The following DESI1 variants were observed in gnomAD, a reference collection of about 807,000 sequenced individuals.
DESI1 encodes the protein desumoylating isopeptidase 1.
In DESI1, 17 loss-of-function variants were observed where a neutral mutation model predicts 22.4. The ratio of observed to expected loss-of-function variants is 0.76; its 90% CI spans 0.52 to 1.14. The LOEUF (loss-of-function observed/expected upper bound fraction) is 1.14, where lower values mean the gene tolerates loss of function less well. Ranked by LOEUF, DESI1 falls within the 50% of genes most tolerant of loss-of-function variation. The pLI, the probability that DESI1 is intolerant of heterozygous loss-of-function variation, is 0.00. For synonymous variants in DESI1, 92 were observed against 84.2 expected (o/e 1.09, Z -0.51); for missense variants, 177 against 208.9 (o/e 0.85, Z 0.94).
In DESI1 at chr22:41,610,813, C is replaced by T. The variant is rs551054199; in HGVS notation, c.89-2952G>A. Among the ~76,000 whole-genome samples the T allele has an allele frequency of 4.0e-5, 6 of 150,456 alleles. No individual in the cohort carries two copies. In the South Asian group the frequency reaches 1.0e-3, roughly 26 times the overall value. On this transcript the variant is annotated intron_variant, in intron 1 of 5. Transcript: ENST00000263256. ...ACTTGAACCCAGGAGGCGGAGGTTG[C>T]GACGAGCTGAGATGGCGCCATTGTA...
chr22:41,614,941 C>T (rs1305451585), intron 1 of DESI1, among the ~76,000 whole-genome samples: 1 of 150,076 alleles, frequency 6.7e-6, no homozygotes, highest in Non-Finnish European at 1.5e-5. Context: ...CACCTGTTTT[C>T]CACATGCATA....
chr22:41,601,271 G>A (rs2067448596), intron 5 of DESI1, 81 bp from the exon 6 acceptor site: 1 of 1,361,726 alleles, frequency 7.3e-7, no homozygotes, highest in Non-Finnish European at 9.9e-7. Flanking sequence ...CCACGGGTAG[G>A]GAGGAGGAGT....
At chr22:41,620,254 G>C (rs549822340) in intron 1 of DESI1, among the ~76,000 whole-genome samples, 4 of 152,080 alleles carry the variant, frequency 2.6e-5, no homozygotes, top group South Asian at 2.1e-4. Context: ...CCTATCCCTG[G>C]GACTGCAAAG....
At position 41,607,869 on chromosome 22, in the gene DESI1, G is replaced by C; in HGVS notation, c.89-8C>G. The C allele has an allele frequency of 1.9e-6, 3 of 1,614,220 alleles. No homozygotes were observed. The highest frequency in any genetic ancestry group is 2.5e-6 in the Non-Finnish European group (3 of 1,180,042). The stretch of plus-strand genomic sequence containing the variant: ...TGCCTTCCAGTTGTTTCCCTGTGGA[G>C]AGAAGAAGAGATTTAGCCACTTGGG... On this transcript the variant is annotated splice_polypyrimidine_tract_variant and splice_region_variant and intron_variant, in intron 1 of 5. Coordinates refer to ENST00000263256, the MANE Select transcript of DESI1 (RefSeq NM_015704.3).
intron 1 of DESI1, among the ~76,000 whole-genome samples, chr22:41,618,857 G>A (rs2067565209): frequency 6.6e-6 from 1 of 152,204 alleles, no homozygotes. Context: ...AAGGTGAGGA[G>A]ATCGAGACCA....
rs1346187870 is a variant in DESI1, at chr22:41,620,816, C to T, written c.24G>A (p.Pro8=). The T allele has an allele frequency of 3.1e-6, 5 of 1,612,040 alleles. No individual in the cohort carries two copies. Among genetic ancestry groups the T allele is most frequent in the Middle Eastern group, 1.6e-4 (1 of 6,078 alleles). MEPPNLY[P]VKLYVYDLSK... ...ACAGGTCGTACACGTAGAGCTTCACCGGATAGAGATTCGGCGGCTCCATTG... is the reference window on the plus strand; with the variant it reads ...ACAGGTCGTACACGTAGAGCTTCACTGGATAGAGATTCGGCGGCTCCATTG... Residue 8 remains proline (P), a synonymous_variant, in exon 1 of 6, where the codon CCG becomes CCA. Coordinates refer to ENST00000263256, the MANE Select transcript of DESI1 (RefSeq NM_015704.3).
In DESI1 at chr22:41,600,783, C is replaced by G. The variant is rs2067445316; in HGVS notation, c.*314G>C. ...AGGTTGGGGCTCCCGCAAACTGTGA[C>G]TCGCTTTCTGTTTAAACAAAGCCCC... On this transcript the variant is annotated 3_prime_UTR_variant, in exon 6 of 6. Transcript: ENST00000263256. 3.6e-6 allele frequency: 1 copy of G among 277,884 alleles called. No individual in the cohort carries two copies. Among genetic ancestry groups the G allele is most frequent in the Non-Finnish European group, 7.0e-6 (1 of 142,848 alleles). The allele number at this position is 277,884 out of a possible 1,614,324, so 17.2% of individuals were successfully genotyped here. A position where few individuals can be genotyped will look rare whatever the true frequency, so the allele number is the denominator to read the frequency against.
intron 1 of DESI1, 147 bp from the exon 2 acceptor site, chr22:41,608,008 G>T: frequency 1.3e-6 from 1 of 765,292 alleles, no homozygotes; most frequent in Non-Finnish European, 2.2e-6. Flanking sequence ...CCTCCAGTAA[G>T]GTCTTTAGGT....
At chr22:41,617,732 G>C (rs1293961100) in intron 1 of DESI1, among the ~76,000 whole-genome samples, 2 of 152,256 alleles carry the variant, frequency 1.3e-5, no homozygotes, top group Non-Finnish European at 2.9e-5. Context: ...GATTTCCTCA[G>C]ATCAGAATCT....
Position 41,601,175 on chromosome 22 carries a change from T to C in DESI1, c.429A>G (p.Ala143=), listed in dbSNP as rs555888417. The part of the protein sequence containing the change: ...SEVLSTPFGQ[A]LRPLLDSIQI... ...GAATGGAGTCCAGGAGGGGCCGAAG[T>C]GCCTGTCCAAAGGGCCTGCAAGGAA... The change falls in exon 6 of 6, where the codon GCA becomes GCG. Residue 143 remains alanine (A), a synonymous_variant. Coordinates refer to ENST00000263256, the MANE Select transcript of DESI1 (RefSeq NM_015704.3). The C allele has an allele frequency of 7.4e-6, 12 of 1,610,932 alleles. No homozygotes were observed. Among genetic ancestry groups the C allele is most frequent in the Non-Finnish European group, 1.0e-5 (12 of 1,178,976 alleles).
rs28384698 is a variant in DESI1 at position 41,620,125 on chromosome 22, A to G, written c.88+627T>C. Among the ~76,000 whole-genome samples the G allele has an allele frequency of 6.7e-3, 1,013 of 152,256 alleles. 11 individuals carry two copies. Among genetic ancestry groups the G allele is most frequent in the African/African-American group, 0.022 (925 of 41,534 alleles). ...CCATTTGAGCAAAAGCAATTAACTTAGAAACTGTGGGGAGAAGACTGCTTG... is the reference window on the plus strand; with the variant it reads ...CCATTTGAGCAAAAGCAATTAACTTGGAAACTGTGGGGAGAAGACTGCTTG... On this transcript the variant is annotated intron_variant, in intron 1 of 5. Transcript: ENST00000263256.
At chr22:41,609,420 A>C (rs1031405661) in intron 1 of DESI1, among the ~76,000 whole-genome samples, 1 of 152,228 alleles carries the variant, frequency 6.6e-6, no homozygotes. Context: ...TGATATACAG[A>C]TGTCTGATAA....
chr22:41,604,748 TA>T (rs1003877147), intron 3 of DESI1, among the ~76,000 whole-genome samples: 6 of 150,866 alleles, frequency 4.0e-5, no homozygotes, highest in African/African-American at 1.5e-4. Context: ...AAAAAAAAGA[TA>T]AAAAAATCTC....
rs115947642 is a variant in DESI1, at chr22:41,611,883, G to A, written c.89-4022C>T. ...TGGGATTACAGGCGTGAGCTACCGCGCCTGGCCCCTGTTCCTTTCAAATGA... is the reference window on the plus strand; with the variant it reads ...TGGGATTACAGGCGTGAGCTACCGCACCTGGCCCCTGTTCCTTTCAAATGA... On this transcript the variant is annotated intron_variant, in intron 1 of 5. Transcript: ENST00000263256. Among the ~76,000 whole-genome samples the A allele has an allele frequency of 7.7e-3, 1,177 of 152,160 alleles. 16 individuals carry two copies. The highest frequency in any genetic ancestry group is 0.028 in the African/African-American group (1,156 of 41,520).
chr22:41,601,732 C>T (rs1024265639), intron 5 of DESI1, among the ~76,000 whole-genome samples: 7 of 152,098 alleles, frequency 4.6e-5, no homozygotes, highest in South Asian at 2.1e-4. Context: ...TCTTTCACCC[C>T]GAGACAGAGT....
chr22:41,617,421 A>G (rs1011554704), intron 1 of DESI1, among the ~76,000 whole-genome samples: 2 of 152,260 alleles, frequency 1.3e-5, no homozygotes, highest in Non-Finnish European at 2.9e-5. Context: ...GGCTATTAAT[A>G]TACTTCTAGA....
intron 5 of DESI1, 31 bp from the exon 6 acceptor site, chr22:41,601,221 G>A (rs760887764): frequency 7.0e-6 from 11 of 1,579,156 alleles, no homozygotes; most frequent in Non-Finnish European, 8.6e-6. Context: ...GAGAGGGGTG[G>A]GCTCTGGGAT....
At chr22:41,619,058 C>G (rs566743644) in intron 1 of DESI1, among the ~76,000 whole-genome samples, 1 of 150,640 alleles carries the variant, frequency 6.6e-6, no homozygotes, top group African/African-American at 2.4e-5. Context: ...AGCGAGACTC[C>G]GTCTCAAAAA....
Position 41,599,313 on chromosome 22 carries a change from CT to C in DESI1, c.*1783del, listed in dbSNP as rs1569063594. ...TTCTTCATGCTCACTTTCCCAAAATCTAACTAATGGAGGTTCATGTGAAGAG... is the reference window on the plus strand; with the variant it reads ...TTCTTCATGCTCACTTTCCCAAAATCAACTAATGGAGGTTCATGTGAAGAG... On this transcript the variant is annotated 3_prime_UTR_variant, in exon 6 of 6. Coordinates refer to ENST00000263256, the MANE Select transcript of DESI1 (RefSeq NM_015704.3). 6.6e-6 allele frequency: 1 copy of C among 152,168 alleles called. No individual in the cohort carries two copies. The highest frequency in any genetic ancestry group is 1.5e-5 in the Non-Finnish European group (1 of 68,038). The allele number at this position is 152,168 out of a possible 1,614,324, so 9.4% of individuals were successfully genotyped here. A position where few individuals can be genotyped will look rare whatever the true frequency, so the allele number is the denominator to read the frequency against.
Sources: allele counts gnomAD v4.1 joint callset (sites outside exome capture counted in the v4.1 genomes callset), GRCh38; gene constraint gnomAD v4.1.1; transcripts MANE v1.5; gene names NCBI Gene and HGNC (gene_info 2026-07-23, HGNC 2026-07-21).